Variants in EPS15 observed in about 807,000 individuals in gnomAD.
The protein encoded by EPS15 is epidermal growth factor receptor pathway substrate 15.
In EPS15, 72 loss-of-function variants were observed where a neutral mutation model predicts 113.8. The ratio of observed to expected loss-of-function variants is 0.63; its 90% CI spans 0.52 to 0.77. The LOEUF (loss-of-function observed/expected upper bound fraction) is 0.77, where lower values mean the gene tolerates loss of function less well. EPS15 is among the 30% of genes least tolerant of loss of function. The pLI, the probability that EPS15 is intolerant of heterozygous loss-of-function variation, is 0.00. For missense variants in EPS15, 1,048 were observed against 1,045.8 expected (o/e 1.00, Z -0.03); for synonymous variants, 344 against 363.4 (o/e 0.95, Z 0.61).
intron 6 of EPS15, among the ~76,000 whole-genome samples, chr1:51,464,503 G>A (rs1307351876): frequency 6.6e-6 from 1 of 151,998 alleles, no homozygotes; most frequent in African/African-American, 2.4e-5. Flanking sequence ...CCCTCCCAAA[G>A]TGCTGGGATT....
chr1:51,393,689 C>A (rs1647622072), intron 21 of EPS15, among the ~76,000 whole-genome samples: 2 of 152,182 alleles, frequency 1.3e-5, no homozygotes, highest in Admixed American at 6.5e-5. Context: ...GCTCTCCCAT[C>A]CCAAATGATA....
At chr1:51,445,738 T>A (rs544384161) in intron 10 of EPS15, among the ~76,000 whole-genome samples, 1 of 152,300 alleles carries the variant, frequency 6.6e-6, no homozygotes, top group Non-Finnish European at 1.5e-5. Flanking sequence ...GTAAAAAGAC[T>A]ACATGTCACA....
At position 51,425,028 on chromosome 1, in the gene EPS15, A is replaced by C. The variant is rs3790517; in HGVS notation, c.1041-3170T>G. ...AGTAATCTCCAGAAAAGGGAAATGA[A>C]ATGATCCTACTCATCCTCTATTTTA... On this transcript the variant is annotated intron_variant, in intron 12 of 24. Coordinates refer to ENST00000371733, the MANE Select transcript of EPS15 (RefSeq NM_001981.3). Among the ~76,000 whole-genome samples, 352 of 152,326 alleles carry C rather than the reference A, an allele frequency of 2.3e-3. 6 individuals are homozygous for C. In the East Asian group the frequency reaches 0.062, roughly 27 times the overall value.
At chr1:51,393,628 G>A (rs1647617600) in intron 21 of EPS15, among the ~76,000 whole-genome samples, 1 of 152,150 alleles carries the variant, frequency 6.6e-6, no homozygotes, top group African/African-American at 2.4e-5. Flanking sequence ...TCTATTTTCA[G>A]CATAATATTA....
At chr1:51,406,206 T>A in intron 15 of EPS15, 98 bp from the exon 16 acceptor site, 1 of 979,578 alleles carries the variant, frequency 1.0e-6, no homozygotes, top group Non-Finnish European at 1.5e-6. Context: ...CTAGGTGTGG[T>A]AGCTCATGCC....
At chr1:51,372,736 A>G in intron 21 of EPS15, 1 of 412,972 alleles carries the variant, frequency 2.4e-6, no homozygotes, top group Non-Finnish European at 4.7e-6. Flanking sequence ...CATGTGGCTA[A>G]TGAAACTGGA....
intron 2 of EPS15, among the ~76,000 whole-genome samples, chr1:51,479,793 C>G (rs1643986711): frequency 6.6e-6 from 1 of 152,130 alleles, no homozygotes; most frequent in Non-Finnish European, 1.5e-5. Context: ...GATTAAAGAA[C>G]AAGCACTGAC....
intron 1 of EPS15, among the ~76,000 whole-genome samples, chr1:51,484,164 C>G (rs996373694): frequency 6.6e-5 from 10 of 152,284 alleles, no homozygotes; most frequent in African/African-American, 2.4e-4. Context: ...CTCTGTGTTG[C>G]TTCCCATATG....
At chr1:51,360,478 T>TA (rs1377544627) in intron 24 of EPS15, among the ~76,000 whole-genome samples, 1 of 152,240 alleles carries the variant, frequency 6.6e-6, no homozygotes, top group African/African-American at 2.4e-5. Context: ...CTTATGCTGT[T>TA]ATCATGGCAC....
rs530930516 is a variant in EPS15 at position 51,505,740 on chromosome 1, CA to C, written c.33+13458del. Among the ~76,000 whole-genome samples the C allele has an allele frequency of 2.8e-4, 42 of 151,654 alleles. No individual in the cohort carries two copies. The East Asian group carries it at 6.0e-3, about 22-fold the overall frequency. ...AAAAGAACAATGGAGCATAAAGCTA[CA>C]AAAAAAGTCTCTTAATAAAAGTAAA... is the stretch of plus-strand genomic sequence containing the variant. On this transcript the variant is annotated intron_variant, in intron 1 of 24. Coordinates refer to ENST00000371733, the MANE Select transcript of EPS15 (RefSeq NM_001981.3).
At chr1:51,493,941 C>G (rs1394339816) in intron 1 of EPS15, among the ~76,000 whole-genome samples, 1 of 151,734 alleles carries the variant, frequency 6.6e-6, no homozygotes, top group Non-Finnish European at 1.5e-5. Context: ...AACTAAATTA[C>G]TCTCTCCTCT....
chr1:51,405,035 T>G (rs547204921), intron 16 of EPS15, among the ~76,000 whole-genome samples: 8 of 152,318 alleles, frequency 5.3e-5, no homozygotes, highest in African/African-American at 1.9e-4. Flanking sequence ...CAGGAATGTA[T>G]CCTCCTCTTC....
chr1:51,493,695 T>C (rs1488763793), intron 1 of EPS15, among the ~76,000 whole-genome samples: 1 of 151,420 alleles, frequency 6.6e-6, no homozygotes, highest in African/African-American at 2.4e-5. Flanking sequence ...CTCGGCTCAC[T>C]GCAACCTCCG....
At chr1:51,386,825 G>C (rs1647089495) in intron 21 of EPS15, among the ~76,000 whole-genome samples, 2 of 152,186 alleles carry the variant, frequency 1.3e-5, no homozygotes, top group African/African-American at 2.4e-5. Flanking sequence ...TATGTGAAAA[G>C]ACCAAATCTA....
intron 8 of EPS15, among the ~76,000 whole-genome samples, chr1:51,452,311 C>T (rs1184249967): frequency 6.6e-6 from 1 of 151,868 alleles, no homozygotes; most frequent in Admixed American, 6.6e-5. Context: ...TTGACAAAGG[C>T]TCACTCTGTT....
chr1:51,365,148 ATG>A (rs1415017166), intron 22 of EPS15, among the ~76,000 whole-genome samples: 2 of 152,198 alleles, frequency 1.3e-5, no homozygotes, highest in Admixed American at 6.5e-5. Context: ...ATAAATCTTA[ATG>A]TGTGTCTGAA....
intron 13 of EPS15, among the ~76,000 whole-genome samples, chr1:51,414,172 G>A (rs1649999175): frequency 6.6e-6 from 1 of 152,172 alleles, no homozygotes; most frequent in Admixed American, 6.5e-5. Flanking sequence ...AGCACTTTGG[G>A]AGGCTGAGAC....
Position 51,482,128 on chromosome 1 carries a change from T to A in EPS15, c.34-814A>T, listed in dbSNP as rs556585717. On this transcript the variant is annotated intron_variant, in intron 1 of 24. Coordinates refer to ENST00000371733, the MANE Select transcript of EPS15 (RefSeq NM_001981.3). ...GTGGCTGCGGTGAGCTGTGACTCTG[T>A]GACTGTACTCAAGTCTGGTTAACAG... 2.0e-5 allele frequency among the ~76,000 whole-genome samples: 3 copies of A among 152,258 alleles called. No individual in the cohort carries two copies. The East Asian group carries it at 5.8e-4, about 29-fold the overall frequency.
Position 51,505,265 on chromosome 1 carries a change from A to G in EPS15, c.33+13934T>C, listed in dbSNP as rs1398069913. Among the ~76,000 whole-genome samples, 4 of 152,348 alleles carry G rather than the reference A, an allele frequency of 2.6e-5. No individual in the cohort carries two copies. The South Asian group carries it at 8.3e-4, about 32-fold the overall frequency. On this transcript the variant is annotated intron_variant, in intron 1 of 24. Transcript: ENST00000371733. ...AAAAGCATTATTCATAACAGCCAAA[A>G]GGTGGAAACCACCCAAATATCCACC... is the stretch of plus-strand genomic sequence containing the variant.
Sources: allele counts gnomAD v4.1 joint callset (sites outside exome capture counted in the v4.1 genomes callset), GRCh38; gene constraint gnomAD v4.1.1; transcripts MANE v1.5; gene names NCBI Gene and HGNC (gene_info 2026-07-23, HGNC 2026-07-21).